TET3: variants seen among roughly 807,000 people sequenced by gnomAD.
TET3 encodes the protein tet methylcytosine dioxygenase 3.
In TET3, 19 loss-of-function variants were observed where a neutral mutation model predicts 141.4. The ratio of observed to expected loss-of-function variants is 0.13; its 90% CI spans 0.09 to 0.20. TET3 has a LOEUF of 0.20. Ranked by LOEUF, TET3 falls within the 10% of genes least tolerant of loss-of-function variation. TET3 has a pLI of 1.00. For missense variants in TET3, 1,874 were observed against 2,356.9 expected (o/e 0.80, Z 4.24); for synonymous variants, 1,043 against 980.9 (o/e 1.06, Z -1.18).
chr2:74,058,388 A>G (rs1344573582), intron 4 of TET3, among the ~76,000 whole-genome samples: 1 of 152,226 alleles, frequency 6.6e-6, no homozygotes, highest in East Asian at 1.9e-4. Flanking sequence ...GTGAGAGTCA[A>G]AGGTGGAATA....
intron 8 of TET3, 55 bp downstream of exon 8, chr2:74,090,102 T>A (rs534278392): frequency 9.2e-5 from 148 of 1,601,400 alleles, no homozygotes; most frequent in Non-Finnish European, 1.1e-4. Context: ...CTGGCGTCCT[T>A]CATGGTCCAG....
In TET3 at chr2:74,100,696, C is replaced by A; in HGVS notation, c.3908C>A (p.Pro1303His). The change falls in exon 12 of 12, where the codon CCT (proline) becomes CAT (histidine). Residue 1303 changes from proline (P) to histidine (H), a missense_variant. By Grantham distance (77) the Pro-to-His change is moderately conservative. Transcript: ENST00000409262. ...NPVFPSQFLG[P>H]GAWGHSGSSG... ...GTCTTCCCCTCTCAGTTCCTGGGTC[C>A]TGGTGCCTGGGGGCACAGTGGCAGC... The A allele has an allele frequency of 6.2e-7, 1 of 1,614,048 alleles. No individual in the cohort carries two copies. The highest frequency in any genetic ancestry group is 8.5e-7 in the Non-Finnish European group (1 of 1,179,902).
At chr2:74,078,302 A>G (rs562327936) in intron 5 of TET3, among the ~76,000 whole-genome samples, 12 of 152,340 alleles carry the variant, frequency 7.9e-5, no homozygotes, top group Admixed American at 7.8e-4. Flanking sequence ...TTCAATGCTT[A>G]TTTTTCAATA....
chr2:74,076,052 A>G (rs1163555078), intron 5 of TET3, among the ~76,000 whole-genome samples: 3 of 152,178 alleles, frequency 2.0e-5, no homozygotes, highest in Non-Finnish European at 2.9e-5. Flanking sequence ...TAACAATTTT[A>G]TAAGATTTCC....
At chr2:74,050,107 A>C (rs879580983) in intron 4 of TET3, among the ~76,000 whole-genome samples, 1 of 152,182 alleles carries the variant, frequency 6.6e-6, no homozygotes, top group Non-Finnish European at 1.5e-5. Context: ...CTAGTGTTTT[A>C]AGACATAGTT....
chr2:74,071,084 C>A lies in TET3; in HGVS notation c.2495-2465C>A, dbSNP rs114535877. Reference sequence around the variant, plus strand: ...AGGCACCAGCAGATCTGGTGTCTGTCGAGGGCCCTCTCTTAGCTTGTAGAC... The same window carrying A: ...AGGCACCAGCAGATCTGGTGTCTGTAGAGGGCCCTCTCTTAGCTTGTAGAC... On this transcript the variant is annotated intron_variant, in intron 4 of 11. Transcript: ENST00000409262. Among the ~76,000 whole-genome samples, 665 of 152,222 alleles carry A rather than the reference C, an allele frequency of 4.4e-3. 3 individuals are homozygous for A. The highest frequency in any genetic ancestry group is 0.015 in the African/African-American group (636 of 41,534).
rs1346655690 is a variant in TET3 at position 74,103,429 on chromosome 2, G to C, written c.*1253G>C. The C allele has an allele frequency of 6.6e-6, 1 of 152,270 alleles. No homozygotes were observed. Among genetic ancestry groups the C allele is most frequent in the Non-Finnish European group, 1.5e-5 (1 of 68,072 alleles). The allele number at this position is 152,270 out of a possible 1,614,324, so 9.4% of individuals were successfully genotyped here. On this transcript the variant is annotated 3_prime_UTR_variant, in exon 12 of 12. Transcript: ENST00000409262. ...TGGTGCATGCCTCACACCTGAGCCT[G>C]CTTCCTCCATGCTGTCATTGGGTTC...
At chr2:74,068,395 T>C (rs879529007) in intron 4 of TET3, among the ~76,000 whole-genome samples, 1 of 152,184 alleles carries the variant, frequency 6.6e-6, no homozygotes, top group Non-Finnish European at 1.5e-5. Flanking sequence ...ACTTAAAATA[T>C]CTTGGAGGTC....
At chr2:74,096,334 C>G (rs1312554992) in intron 10 of TET3, among the ~76,000 whole-genome samples, 1 of 152,218 alleles carries the variant, frequency 6.6e-6, no homozygotes, top group Non-Finnish European at 1.5e-5. Flanking sequence ...TGACACCAAA[C>G]TCAGAGTGCC....
At chr2:74,002,826 G>T in intron 2 of TET3, 1 of 571,034 alleles carries the variant, frequency 1.8e-6, no homozygotes, top group Non-Finnish European at 3.1e-6. Flanking sequence ...GCCGGGGATG[G>T]CCGGGCGGAC....
chr2:74,065,432 A>G lies in TET3; in HGVS notation c.2495-8117A>G, dbSNP rs769227280. On this transcript the variant is annotated intron_variant, in intron 4 of 11. Coordinates refer to ENST00000409262, the MANE Select transcript of TET3 (RefSeq NM_001287491.2). ...GTGGTCTTTGGACATACCTCACCCC[A>G]GATCATTCTTTGATCATTTCTTTGC... Among the ~76,000 whole-genome samples, 4 of 152,168 alleles carry G rather than the reference A, an allele frequency of 2.6e-5. No homozygotes were observed. In the South Asian group the frequency reaches 8.3e-4, roughly 31 times the overall value.
In TET3 at chr2:74,094,969, G is replaced by A. The variant is rs1169562652; in HGVS notation, c.3267+1303G>A. Among the ~76,000 whole-genome samples, 5 of 152,146 alleles carry A rather than the reference G, an allele frequency of 3.3e-5. No individual in the cohort carries two copies. In the East Asian group the frequency reaches 7.7e-4, roughly 23 times the overall value. On this transcript the variant is annotated intron_variant, in intron 10 of 11. Transcript: ENST00000409262. ...GGTTTATAGTTAGAGCTGTGAGGCC[G>A]ACGCCATCAGCAGGGGAGTGAGTGC... is the stretch of plus-strand genomic sequence containing the variant.
At chr2:74,097,210 C>CACACACACAT (rs1278662507) in intron 10 of TET3, among the ~76,000 whole-genome samples, 3 of 148,998 alleles carry the variant, frequency 2.0e-5, no homozygotes, top group Non-Finnish European at 4.4e-5. Context: ...CACACACACA[C>CACACACACAT]ACACACACAC....
chr2:74,014,985 T>C (rs1558712888), intron 3 of TET3, among the ~76,000 whole-genome samples: 1 of 152,206 alleles, frequency 6.6e-6, no homozygotes, highest in Non-Finnish European at 1.5e-5. Flanking sequence ...GTGCAGAGTA[T>C]AGGGTAACAG....
At position 74,002,726 on chromosome 2, in the gene TET3, G is replaced by A; in HGVS notation, c.304-384G>A. ...AGCTGGCCGCCGCCTCCTCTGCAGT[G>A]CCTCCCTCCGTGCGCTCCCTCCGGC... On this transcript the variant is annotated intron_variant, in intron 2 of 11. Transcript: ENST00000409262. 7.7e-6 allele frequency: 4 copies of A among 520,248 alleles called. No homozygotes were observed. In the South Asian group the frequency reaches 8.4e-5, roughly 11 times the overall value. The allele number at this position is 520,248 out of a possible 1,614,324, so 32.2% of individuals were successfully genotyped here.
intron 2 of TET3, among the ~76,000 whole-genome samples, chr2:73,997,298 T>C (rs960143275): frequency 6.6e-6 from 1 of 152,208 alleles, no homozygotes; most frequent in Non-Finnish European, 1.5e-5. Flanking sequence ...GTTTTTCTTC[T>C]GGGGAGGACA....
In TET3 at chr2:74,093,382, C is replaced by A. The variant is rs1182011739; in HGVS notation, c.3130-147C>A. ...TAACTTTTTTGTAGCTGGGGCCTCTCAGCCAGAAAACCTCCCTCCTGCAGT... is the reference window on the plus strand; with the variant it reads ...TAACTTTTTTGTAGCTGGGGCCTCTAAGCCAGAAAACCTCCCTCCTGCAGT... On this transcript the variant is annotated intron_variant, in intron 9 of 11. Coordinates refer to ENST00000409262, the MANE Select transcript of TET3 (RefSeq NM_001287491.2). The surrounding 1 kb of genome is among the most constrained non-coding windows in gnomAD (Gnocchi z 4.2). The A allele has an allele frequency of 8.8e-7, 1 of 1,137,170 alleles. No individual in the cohort carries two copies. The highest frequency in any genetic ancestry group is 1.2e-6 in the Non-Finnish European group (1 of 836,880). The allele number at this position is 1,137,170 out of a possible 1,614,324, so 70.4% of individuals were successfully genotyped here.
At chr2:74,002,277 G>A (rs1055289856) in intron 2 of TET3, among the ~76,000 whole-genome samples, 8 of 152,156 alleles carry the variant, frequency 5.3e-5, no homozygotes, top group Non-Finnish European at 1.0e-4. Context: ...AGGGGCTATT[G>A]CACCTCATGC....
At chr2:74,024,294 T>C (rs946229748) in intron 3 of TET3, among the ~76,000 whole-genome samples, 3 of 152,222 alleles carry the variant, frequency 2.0e-5, no homozygotes, top group African/African-American at 7.2e-5. Context: ...TGGTTGGAAC[T>C]TGTGCAGGTG....
Sources: allele counts gnomAD v4.1 joint callset (sites outside exome capture counted in the v4.1 genomes callset), GRCh38; gene constraint gnomAD v4.1.1; non-coding constraint Gnocchi (gnomAD v3.1); transcripts MANE v1.5; gene names NCBI Gene and HGNC (gene_info 2026-07-23, HGNC 2026-07-21).